ZNF423: variants seen among roughly 807,000 people sequenced by gnomAD.
ZNF423 encodes the protein zinc finger protein 423.
Under a neutral mutation model 95.8 loss-of-function variants are expected in ZNF423, and 12 were observed. That is an observed-to-expected ratio of 0.13 (90% confidence interval 0.08 to 0.20). The LOEUF is 0.20. ZNF423 is among the 10% of genes least tolerant of loss of function. ZNF423 has a pLI of 1.00. For missense variants in ZNF423, 1,316 were observed against 1,737.1 expected, an observed-to-expected ratio of 0.76 and a Z score of 4.31; for synonymous variants, 749 against 711.9, an observed-to-expected ratio of 1.05 and a Z score of -0.83.
chr16:49,747,928 C>A (rs1030304911), intron 2 of ZNF423, among the ~76,000 whole-genome samples: 7 of 152,206 alleles, frequency 4.6e-5, no homozygotes, highest in African/African-American at 1.7e-4. Context: ...GGAGCCTAGC[C>A]CTGGTTAGGG....
At chr16:49,795,767 G>C (rs1267314560) in intron 1 of ZNF423, among the ~76,000 whole-genome samples, 2 of 152,334 alleles carry the variant, frequency 1.3e-5, no homozygotes, top group East Asian at 3.9e-4. Flanking sequence ...TGTGGAGACT[G>C]ATGGGCAACG....
At chr16:49,536,432 GTTTT>G (rs767808121) in intron 5 of ZNF423, among the ~76,000 whole-genome samples, 1 of 126,806 alleles carries the variant, frequency 7.9e-6, no homozygotes, top group Non-Finnish European at 1.6e-5. Flanking sequence ...TTTCTGGGTG[GTTTT>G]TTTTTTTTTT....
At chr16:49,854,021 A>T (rs1418772188) in intron 1 of ZNF423, 1 of 985,288 alleles carries the variant, frequency 1.0e-6, no homozygotes, top group Non-Finnish European at 1.2e-6. Context: ...CCAGGGAAAG[A>T]GAAAAGAAAT....
In ZNF423 at chr16:49,558,900, G is replaced by T. The variant is rs190478891; in HGVS notation, c.3602-33406C>A. Among the ~76,000 whole-genome samples the T allele has an allele frequency of 3.0e-3, 455 of 152,308 alleles. 4 individuals carry two copies. Among genetic ancestry groups the T allele is most frequent in the Middle Eastern group, 0.017 (5 of 294 alleles). On this transcript the variant is annotated intron_variant, in intron 5 of 7. Transcript: ENST00000563137. ...CTGGAAGCGAGCGGGGTTTTGGGGG[G>T]GTCCCACCTGGAGGGGCCCAGCAAT... is the stretch of plus-strand genomic sequence containing the variant.
At chr16:49,815,880 AAATATATATATATAT>A (rs1567356182) in intron 1 of ZNF423, among the ~76,000 whole-genome samples, 1 of 63,854 alleles carries the variant, frequency 1.6e-5, no homozygotes, top group African/African-American at 7.4e-5. Flanking sequence ...CAAAAAAAAA[AAATATATATATATAT>A]ATATATATAT....
At chr16:49,572,090 T>C (rs113987156) in intron 5 of ZNF423, among the ~76,000 whole-genome samples, 1 of 152,132 alleles carries the variant, frequency 6.6e-6, no homozygotes, top group African/African-American at 2.4e-5. Context: ...CTTAGACACA[T>C]GTAACTAAGT....
At chr16:49,597,037 T>C (rs1971204312) in intron 5 of ZNF423, among the ~76,000 whole-genome samples, 1 of 152,214 alleles carries the variant, frequency 6.6e-6, no homozygotes, top group Non-Finnish European at 1.5e-5. Context: ...GAGCTCTCTC[T>C]GGGCATCGAG....
At chr16:49,613,920 A>G (rs1971799548) in intron 5 of ZNF423, among the ~76,000 whole-genome samples, 1 of 152,168 alleles carries the variant, frequency 6.6e-6, no homozygotes, top group Non-Finnish European at 1.5e-5. Context: ...TCTTTGCACC[A>G]AAGGTATAAT....
intron 5 of ZNF423, among the ~76,000 whole-genome samples, chr16:49,538,134 G>T (rs1237642359): frequency 1.3e-5 from 2 of 152,206 alleles, no homozygotes; most frequent in Non-Finnish European, 2.9e-5. Context: ...GGAGAGGCAG[G>T]GACAGGCAGA....
chr16:49,734,131 C>A (rs2033230804), intron 2 of ZNF423, among the ~76,000 whole-genome samples: 1 of 152,218 alleles, frequency 6.6e-6, no homozygotes, highest in African/African-American at 2.4e-5. Flanking sequence ...GACATCAGAC[C>A]TACCTGGAGA....
In ZNF423 at chr16:49,534,032, G is replaced by A. The variant is rs1225058914; in HGVS notation, c.3602-8538C>T. Among the ~76,000 whole-genome samples the A allele has an allele frequency of 3.9e-5, 6 of 152,124 alleles. No homozygotes were observed. The South Asian group carries it at 1.0e-3, about 26-fold the overall frequency. On this transcript the variant is annotated intron_variant, in intron 5 of 7. Transcript: ENST00000563137. ...AATTAGCCAGGCATGGTGGTGGGTG[G>A]TACACTGAGGCAGGAAGATGTCTTC...
intron 3 of ZNF423, among the ~76,000 whole-genome samples, chr16:49,718,914 C>A (rs2032785503): frequency 6.6e-6 from 1 of 152,150 alleles, no homozygotes; most frequent in African/African-American, 2.4e-5. Context: ...ACATTCAGAC[C>A]ATAGCCAGTT....
chr16:49,840,797 C>T (rs539981467), intron 1 of ZNF423, among the ~76,000 whole-genome samples: 1 of 152,202 alleles, frequency 6.6e-6, no homozygotes, highest in African/African-American at 2.4e-5. Context: ...GACACACGCA[C>T]AGTCATGCAT....
chr16:49,571,523 G>A (rs762423040), intron 5 of ZNF423, among the ~76,000 whole-genome samples: 1 of 152,108 alleles, frequency 6.6e-6, no homozygotes, highest in Non-Finnish European at 1.5e-5. Context: ...TGAGGGGCAA[G>A]TGTCAGATGG....
At chr16:49,841,638 G>A (rs1190306278) in intron 1 of ZNF423, among the ~76,000 whole-genome samples, 4 of 152,150 alleles carry the variant, frequency 2.6e-5, no homozygotes, top group African/African-American at 9.7e-5. Flanking sequence ...GGAATCCCCC[G>A]AAACTCTCTC....
intron 3 of ZNF423, among the ~76,000 whole-genome samples, chr16:49,690,508 C>A (rs1312651760): frequency 1.3e-5 from 2 of 152,182 alleles, no homozygotes. Flanking sequence ...GACAACAGAC[C>A]AAAACTCTAT....
intron 5 of ZNF423, among the ~76,000 whole-genome samples, chr16:49,570,087 G>A (rs941336395): frequency 6.6e-6 from 1 of 152,192 alleles, no homozygotes; most frequent in Admixed American, 6.5e-5. Flanking sequence ...TGAAATAGGA[G>A]AGTCCTTATC....
intron 3 of ZNF423, among the ~76,000 whole-genome samples, chr16:49,688,236 A>T (rs1365309580): frequency 6.6e-6 from 1 of 152,122 alleles, no homozygotes; most frequent in Non-Finnish European, 1.5e-5. Context: ...GCTGGATTAA[A>T]CTTCAAACAC....
intron 3 of ZNF423, among the ~76,000 whole-genome samples, chr16:49,717,116 C>T (rs1596910769): frequency 6.6e-6 from 1 of 152,160 alleles, no homozygotes; most frequent in Non-Finnish European, 1.5e-5. Flanking sequence ...TACACATAGG[C>T]CAGGCAGGTG....
Sources: gnomAD v4.1 joint callset for allele counts (sites outside exome capture counted in the v4.1 genomes callset) on GRCh38, gnomAD v4.1.1 for gene constraint, MANE v1.5 for transcripts, NCBI Gene and HGNC (gene_info 2026-07-23, HGNC 2026-07-21) for gene names.